Variants in ACOXL observed in about 807,000 individuals in gnomAD.
ACOXL encodes acyl-CoA oxidase like.
ACOXL carries 70 observed loss-of-function variants against 71.9 expected under a neutral mutation model. That is an observed-to-expected ratio of 0.97 (90% CI 0.80 to 1.19). The LOEUF (loss-of-function observed/expected upper bound fraction) is 1.19, where lower values mean the gene tolerates loss of function less well. ACOXL is among the 50% of genes most tolerant of loss of function. The pLI is 0.00. For missense variants in ACOXL, 703 were observed against 736.3 expected (o/e 0.95, Z 0.52); for synonymous variants, 253 against 281.6 (o/e 0.90, Z 1.02).
At chr2:110,995,645 G>C (rs767104675) in intron 13 of ACOXL, among the ~76,000 whole-genome samples, 2 of 151,664 alleles carry the variant, frequency 1.3e-5, no homozygotes, top group Non-Finnish European at 2.9e-5. Flanking sequence ...ACAATAGTAA[G>C]TGGAACAATT....
chr2:110,886,760 CTT>C, intron 10 of ACOXL: 1 of 1,550,830 alleles, frequency 6.4e-7, no homozygotes, highest in Non-Finnish European at 8.7e-7. Flanking sequence ...TGCCATCTCA[CTT>C]TTCTGTCCCT....
rs1483473728 is a variant in ACOXL, at chr2:111,074,560, TC to T, written c.1441-18304del. ...AATTGATATGATTATGGTTTTTTTT[TC>T]TTTTTTAGGTTGTTAATATGATAAA... is the stretch of plus-strand genomic sequence containing the variant. On this transcript the variant is annotated intron_variant, in intron 16 of 17. Coordinates refer to ENST00000439055, the MANE Select transcript of ACOXL (RefSeq NM_001142807.4). Among the ~76,000 whole-genome samples, 396 of 152,228 alleles carry T rather than the reference TC, an allele frequency of 2.6e-3. 1 individual carries two copies. The highest frequency in any genetic ancestry group is 9.0e-3 in the African/African-American group (374 of 41,540).
intron 10 of ACOXL, among the ~76,000 whole-genome samples, chr2:110,878,295 A>G (rs1696178446): frequency 6.6e-6 from 1 of 152,240 alleles, no homozygotes. Flanking sequence ...AACTCAAAAG[A>G]GAGATTAAAT....
intron 2 of ACOXL, among the ~76,000 whole-genome samples, chr2:110,770,438 G>T (rs1026113598): frequency 6.6e-6 from 1 of 152,176 alleles, no homozygotes; most frequent in African/African-American, 2.4e-5. Context: ...CACCACCTGC[G>T]CTGCGATACT....
intron 9 of ACOXL, among the ~76,000 whole-genome samples, chr2:110,806,884 G>GGAAGGCTCCCACCTC (rs1686714445): frequency 6.6e-6 from 1 of 152,062 alleles, no homozygotes; most frequent in African/African-American, 2.4e-5. Context: ...GGGGCAAGGT[G>GGAAGGCTCCCACCTC]TGGGGTGGTG....
chr2:110,754,329 C>G (rs1559219747), intron 1 of ACOXL, among the ~76,000 whole-genome samples: 1 of 152,102 alleles, frequency 6.6e-6, no homozygotes, highest in East Asian at 1.9e-4. Context: ...GCCTCAGCCT[C>G]TCAAAGTGCT....
chr2:110,840,749 C>A (rs1691068680), intron 9 of ACOXL, among the ~76,000 whole-genome samples: 1 of 152,236 alleles, frequency 6.6e-6, no homozygotes, highest in Non-Finnish European at 1.5e-5. Context: ...CCAGCAATTG[C>A]ATGCACCATA....
At chr2:110,992,921 G>A (rs1360814652) in intron 13 of ACOXL, among the ~76,000 whole-genome samples, 1 of 152,162 alleles carries the variant, frequency 6.6e-6, no homozygotes, top group African/African-American at 2.4e-5. Flanking sequence ...ATTCAGCAAA[G>A]TTGAAATAAT....
At chr2:111,012,019 A>G (rs1286432390) in intron 14 of ACOXL, among the ~76,000 whole-genome samples, 3 of 152,010 alleles carry the variant, frequency 2.0e-5, no homozygotes, top group Admixed American at 6.6e-5. Context: ...TTAAAAATAC[A>G]TGAAACAGAA....
At chr2:110,989,149 C>T (rs1423822064) in intron 13 of ACOXL, among the ~76,000 whole-genome samples, 1 of 152,054 alleles carries the variant, frequency 6.6e-6, no homozygotes, top group Non-Finnish European at 1.5e-5. Flanking sequence ...ATTATTGAAT[C>T]CATACACATT....
chr2:111,085,879 G>C (rs1218624153), intron 16 of ACOXL, among the ~76,000 whole-genome samples: 2 of 151,870 alleles, frequency 1.3e-5, no homozygotes, highest in Non-Finnish European at 2.9e-5. Context: ...ATGACAAAGG[G>C]GATGTTACCA....
intron 11 of ACOXL, among the ~76,000 whole-genome samples, chr2:110,931,590 A>G (rs1319876379): frequency 6.6e-6 from 1 of 152,166 alleles, no homozygotes; most frequent in Non-Finnish European, 1.5e-5. Flanking sequence ...TTTAAATGCT[A>G]GCTCTGCCCT....
chr2:110,804,634 G>A (rs1175525910), intron 8 of ACOXL, among the ~76,000 whole-genome samples: 1 of 151,556 alleles, frequency 6.6e-6, no homozygotes, highest in Non-Finnish European at 1.5e-5. Context: ...TCCATACAAT[G>A]GAATACTATT....
At chr2:110,901,815 C>T (rs1440905436) in intron 10 of ACOXL, among the ~76,000 whole-genome samples, 1 of 152,052 alleles carries the variant, frequency 6.6e-6, no homozygotes, top group African/African-American at 2.4e-5. Flanking sequence ...CACTTGAAAC[C>T]AGGAGTTCAA....
chr2:111,086,454 G>A lies in ACOXL; in HGVS notation c.1441-6411G>A, dbSNP rs372840392. 5.9e-5 allele frequency among the ~76,000 whole-genome samples: 9 copies of A among 152,238 alleles called. No individual in the cohort carries two copies. In the East Asian group the frequency reaches 1.5e-3, roughly 26 times the overall value. ...GATTCATCACATAAACAGAACTAAA[G>A]ACAAAAACCATATGATTATCTCAGT... On this transcript the variant is annotated intron_variant, in intron 16 of 17. Transcript: ENST00000439055.
At chr2:110,955,685 C>A (rs1401924617) in intron 12 of ACOXL, among the ~76,000 whole-genome samples, 1 of 152,100 alleles carries the variant, frequency 6.6e-6, no homozygotes, top group African/African-American at 2.4e-5. Flanking sequence ...TCCAGCCCAG[C>A]CTTCTTTCCA....
intron 3 of ACOXL, among the ~76,000 whole-genome samples, chr2:110,787,916 G>C (rs1297772205): frequency 6.6e-6 from 1 of 152,098 alleles, no homozygotes; most frequent in Non-Finnish European, 1.5e-5. Flanking sequence ...GCCATAACGT[G>C]TACCCATTTT....
At chr2:110,959,704 G>A (rs2061630183) in intron 12 of ACOXL, among the ~76,000 whole-genome samples, 2 of 152,094 alleles carry the variant, frequency 1.3e-5, no homozygotes, top group Admixed American at 1.3e-4. Context: ...TGAGAATGAG[G>A]GATGCTGGGA....
chr2:111,115,167 G>T (rs2070256907), intron 17 of ACOXL, among the ~76,000 whole-genome samples: 1 of 152,168 alleles, frequency 6.6e-6, no homozygotes, highest in Non-Finnish European at 1.5e-5. Flanking sequence ...TAAGCTTGAA[G>T]TACTTTGTCC....
Sources: allele counts gnomAD v4.1 joint callset (sites outside exome capture counted in the v4.1 genomes callset), GRCh38; gene constraint gnomAD v4.1.1; transcripts MANE v1.5; gene names NCBI Gene and HGNC (gene_info 2026-07-23, HGNC 2026-07-21).